ARHGAP10: variants seen among roughly 807,000 people sequenced by gnomAD.
The protein encoded by ARHGAP10 is Rho GTPase activating protein 10, also known as rho GTPase-activating protein 10.
In ARHGAP10, 87 loss-of-function variants were observed where a neutral mutation model predicts 108.6. The observed-to-expected ratio is 0.80, with a 90% confidence interval of 0.67 to 0.96. The LOEUF (loss-of-function observed/expected upper bound fraction) is 0.96, where lower values mean the gene tolerates loss of function less well. ARHGAP10 is among the 40% of genes least tolerant of loss of function. The pLI, the probability that ARHGAP10 is intolerant of heterozygous loss-of-function variation, is 0.00. For missense variants in ARHGAP10, 939 were observed against 954.5 expected (o/e 0.98, Z 0.21); for synonymous variants, 347 against 341.1 (o/e 1.02, Z -0.19).
At chr4:147,993,886 G>A (rs1017430789) in intron 18 of ARHGAP10, among the ~76,000 whole-genome samples, 3 of 152,230 alleles carry the variant, frequency 2.0e-5, no homozygotes, top group African/African-American at 7.2e-5. Flanking sequence ...AGGAGCTGGT[G>A]TTTCAGACAT....
At chr4:147,998,595 G>C (rs947845403) in intron 18 of ARHGAP10, among the ~76,000 whole-genome samples, 18 of 152,344 alleles carry the variant, frequency 1.2e-4, no homozygotes, top group African/African-American at 4.1e-4. Flanking sequence ...TCAGCAAATA[G>C]AATCAATACT....
intron 1 of ARHGAP10, among the ~76,000 whole-genome samples, chr4:147,814,198 C>G (rs1476876886): frequency 6.6e-6 from 1 of 151,934 alleles, no homozygotes; most frequent in African/African-American, 2.4e-5. Flanking sequence ...CCCAACAAGT[C>G]GTTGGTCGTT....
At chr4:147,781,140 C>T (rs543022047) in intron 1 of ARHGAP10, among the ~76,000 whole-genome samples, 4 of 152,144 alleles carry the variant, frequency 2.6e-5, no homozygotes, top group Admixed American at 6.5e-5. Context: ...GGGCGGATCA[C>T]GAGGTCAAGA....
chr4:147,968,398 C>G (rs547382504), intron 18 of ARHGAP10, among the ~76,000 whole-genome samples: 1 of 152,314 alleles, frequency 6.6e-6, no homozygotes, highest in South Asian at 2.1e-4. Flanking sequence ...ACTTTTCAAT[C>G]TTCTTGGGAT....
intron 18 of ARHGAP10, among the ~76,000 whole-genome samples, chr4:147,988,779 G>A (rs1740143181): frequency 1.3e-5 from 2 of 152,190 alleles, no homozygotes; most frequent in South Asian, 4.1e-4. Context: ...ACTGAGAGGA[G>A]AGGAGGTAAA....
chr4:147,759,950 A>G (rs1729528908), intron 1 of ARHGAP10, among the ~76,000 whole-genome samples: 1 of 152,074 alleles, frequency 6.6e-6, no homozygotes, highest in African/African-American at 2.4e-5. Context: ...GTGTTTCACC[A>G]TGTTGGCCAG....
At chr4:147,739,799 G>A (rs537420403) in intron 1 of ARHGAP10, among the ~76,000 whole-genome samples, 1 of 150,144 alleles carries the variant, frequency 6.7e-6, no homozygotes, top group African/African-American at 2.5e-5. Context: ...GCAATGGCAT[G>A]ATCTTGGTTC....
chr4:147,858,549 TCTAATAC>T (rs1211075516), intron 5 of ARHGAP10: 101 of 152,364 alleles, frequency 6.6e-4, no homozygotes, highest in African/African-American at 2.3e-3. Flanking sequence ...CTTTTGTGTC[TCTAATAC>T]CTTTGACTGA....
rs571601541 is a variant in ARHGAP10 at position 147,956,270 on chromosome 4, T to TA, written c.1450+897dup. On this transcript the variant is annotated intron_variant, in intron 16 of 22. Coordinates refer to ENST00000336498, the MANE Select transcript of ARHGAP10 (RefSeq NM_024605.4). ...CCATAGTTTAATCTGTTGAAAAACT[T>TA]AGAGCATTCCCTTTGGGACCAATGT... Among the ~76,000 whole-genome samples the TA allele has an allele frequency of 4.9e-3, 752 of 152,274 alleles. 1 individual carries two copies. Among genetic ancestry groups the TA allele is most frequent in the Middle Eastern group, 0.027 (8 of 294 alleles).
chr4:147,898,524 C>A (rs1319894800), intron 10 of ARHGAP10, among the ~76,000 whole-genome samples: 4 of 151,788 alleles, frequency 2.6e-5, no homozygotes, highest in Non-Finnish European at 5.9e-5. Context: ...ATATTTCTTA[C>A]TGCCCGGTTT....
At chr4:147,881,250 G>A (rs924960760) in intron 9 of ARHGAP10, among the ~76,000 whole-genome samples, 1 of 151,454 alleles carries the variant, frequency 6.6e-6, no homozygotes, top group Non-Finnish European at 1.5e-5. Flanking sequence ...TCCAGCCTGG[G>A]CAACAGAGCA....
At chr4:148,009,873 G>A (rs562484797) in intron 18 of ARHGAP10, among the ~76,000 whole-genome samples, 7 of 152,284 alleles carry the variant, frequency 4.6e-5, no homozygotes, top group African/African-American at 1.4e-4. Context: ...TGTTGGAAGC[G>A]TAGGTGACTT....
intron 13 of ARHGAP10, among the ~76,000 whole-genome samples, chr4:147,915,004 A>G (rs1736907021): frequency 6.6e-6 from 1 of 152,196 alleles, no homozygotes; most frequent in Non-Finnish European, 1.5e-5. Context: ...TATAAATGGA[A>G]TATTTAATTC....
intron 11 of ARHGAP10, among the ~76,000 whole-genome samples, chr4:147,908,635 G>A (rs933719055): frequency 2.0e-5 from 3 of 152,178 alleles, no homozygotes; most frequent in South Asian, 4.1e-4. Flanking sequence ...AATTATCACC[G>A]TGCTATTTCT....
intron 13 of ARHGAP10, among the ~76,000 whole-genome samples, chr4:147,921,961 G>A (rs1464949140): frequency 6.6e-6 from 1 of 152,120 alleles, no homozygotes; most frequent in African/African-American, 2.4e-5. Context: ...TCATGATGGA[G>A]TCATCTGCTC....
intron 8 of ARHGAP10, among the ~76,000 whole-genome samples, chr4:147,878,689 A>T (rs999511900): frequency 6.6e-6 from 1 of 151,828 alleles, no homozygotes; most frequent in Non-Finnish European, 1.5e-5. Context: ...CTAGCAAACT[A>T]TTTAAACAGT....
At chr4:147,866,943 G>A in intron 7 of ARHGAP10, 127 bp downstream of exon 7, 2 of 737,010 alleles carry the variant, frequency 2.7e-6, no homozygotes, top group Middle Eastern at 4.0e-4. Context: ...CTGAGGGTAT[G>A]CTGCCACCTG....
Position 147,752,908 on chromosome 4 carries a change from C to T in ARHGAP10, c.154+20453C>T, listed in dbSNP as rs573848493. On this transcript the variant is annotated intron_variant, in intron 1 of 22. Coordinates refer to ENST00000336498, the MANE Select transcript of ARHGAP10 (RefSeq NM_024605.4). Reference sequence around the variant, plus strand: ...CCTGTGTTGCCATTTTATTTTCTTCCCAAATAATAGCCATTCCTTTTATTT... The same window carrying T: ...CCTGTGTTGCCATTTTATTTTCTTCTCAAATAATAGCCATTCCTTTTATTT... Among the ~76,000 whole-genome samples the T allele has an allele frequency of 2.3e-3, 350 of 152,270 alleles. 1 individual carries two copies. Among genetic ancestry groups the T allele is most frequent in the African/African-American group, 8.0e-3 (334 of 41,556 alleles).
At chr4:147,925,301 G>T (rs1404033727) in intron 13 of ARHGAP10, among the ~76,000 whole-genome samples, 1 of 152,186 alleles carries the variant, frequency 6.6e-6, no homozygotes, top group Non-Finnish European at 1.5e-5. Context: ...CTCTGAGGTG[G>T]AGAGGCAGAG....
Sources: allele counts gnomAD v4.1 joint callset (sites outside exome capture counted in the v4.1 genomes callset), GRCh38; gene constraint gnomAD v4.1.1; transcripts MANE v1.5; gene names NCBI Gene and HGNC (gene_info 2026-07-23, HGNC 2026-07-21).